The following ZCCHC7 variants were observed in gnomAD, a reference collection of about 807,000 sequenced individuals.
ZCCHC7 encodes zinc finger CCHC domain-containing protein 7.
A neutral mutation model predicts 52.0 loss-of-function variants in ZCCHC7; 35 were observed. The observed-to-expected ratio is 0.67, with a 90% CI of 0.51 to 0.89. ZCCHC7 has a LOEUF of 0.89. ZCCHC7 is among the 40% of genes least tolerant of loss of function. ZCCHC7 has a pLI of 0.00. For synonymous variants in ZCCHC7, 217 were observed against 221.5 expected (o/e 0.98, Z 0.18); for missense variants, 574 against 649.1 (o/e 0.88, Z 1.26).
chr9:37,233,842 G>A (rs899276410), intron 2 of ZCCHC7, among the ~76,000 whole-genome samples: 2 of 152,010 alleles, frequency 1.3e-5, no homozygotes, highest in African/African-American at 4.8e-5. Context: ...ATTAGAGGGT[G>A]TTTTTTGGTG....
At chr9:37,254,297 T>A (rs1826468784) in intron 2 of ZCCHC7, among the ~76,000 whole-genome samples, 1 of 152,056 alleles carries the variant, frequency 6.6e-6, no homozygotes, top group Admixed American at 6.6e-5. Context: ...ATAATACTTT[T>A]GAAAGTTGGC....
chr9:37,356,659 C>T (rs571029457), intron 8 of ZCCHC7, among the ~76,000 whole-genome samples, 176 bp from the exon 9 acceptor site: 2 of 152,150 alleles, frequency 1.3e-5, no homozygotes, highest in Non-Finnish European at 2.9e-5. Flanking sequence ...GAATGTGTTT[C>T]ATTTTTAGCA....
At chr9:37,234,394 G>T (rs1322969678) in intron 2 of ZCCHC7, among the ~76,000 whole-genome samples, 2 of 152,226 alleles carry the variant, frequency 1.3e-5, no homozygotes, top group African/African-American at 4.8e-5. Context: ...CTCAGACAGA[G>T]ATAGTATCTT....
chr9:37,168,579 C>G (rs555965586), intron 2 of ZCCHC7, among the ~76,000 whole-genome samples: 1 of 152,274 alleles, frequency 6.6e-6, no homozygotes, highest in South Asian at 2.1e-4. Flanking sequence ...TCCTCCATAA[C>G]GCCTACTAAA....
At chr9:37,263,779 A>G (rs936789818) in intron 2 of ZCCHC7, among the ~76,000 whole-genome samples, 32 of 152,206 alleles carry the variant, frequency 2.1e-4, no homozygotes, top group African/African-American at 7.7e-4. Flanking sequence ...TTTCAAGTTA[A>G]GACAGAAAAC....
At chr9:37,199,967 A>T (rs531532994) in intron 2 of ZCCHC7, among the ~76,000 whole-genome samples, 1 of 152,020 alleles carries the variant, frequency 6.6e-6, no homozygotes, top group Non-Finnish European at 1.5e-5. Context: ...CGGCCTCCCA[A>T]AGTGCTGGGA....
intron 2 of ZCCHC7, among the ~76,000 whole-genome samples, chr9:37,156,984 C>T (rs1271921389): frequency 1.3e-5 from 2 of 151,856 alleles, no homozygotes; most frequent in East Asian, 1.9e-4. Context: ...CCTGTTGATC[C>T]TATAAGGTCA....
Position 37,166,351 on chromosome 9 carries a change from C to G in ZCCHC7, c.610+39409C>G, listed in dbSNP as rs189375216. Among the ~76,000 whole-genome samples the G allele has an allele frequency of 5.7e-4, 87 of 152,104 alleles. 3 individuals are homozygous for G. Among genetic ancestry groups the G allele is most frequent in the Admixed American group, 4.3e-3 (66 of 15,278 alleles). On this transcript the variant is annotated intron_variant, in intron 2 of 8. Transcript: ENST00000336755. ...GCAGAGGTTTGCAGTGAGCCGAGAT[C>G]GCGCCACTGCACTCCAGCCTGGGTG...
intron 2 of ZCCHC7, among the ~76,000 whole-genome samples, chr9:37,213,448 C>G (rs1824343032): frequency 6.6e-6 from 1 of 152,074 alleles, no homozygotes; most frequent in African/African-American, 2.4e-5. Flanking sequence ...GCAGATCATT[C>G]AAGGCAGCAA....
At chr9:37,299,657 G>C (rs117658226) in intron 2 of ZCCHC7, among the ~76,000 whole-genome samples, 310 of 152,268 alleles carry the variant, frequency 2.0e-3, no homozygotes, top group Non-Finnish European at 3.1e-3. Flanking sequence ...TCATTACTAG[G>C]TTCAAATCAA....
At chr9:37,246,746 T>C (rs774929836) in intron 2 of ZCCHC7, among the ~76,000 whole-genome samples, 3 of 152,160 alleles carry the variant, frequency 2.0e-5, no homozygotes, top group East Asian at 1.9e-4. Flanking sequence ...GTGGAAAATA[T>C]ATTTGCAAGT....
At chr9:37,261,946 C>T (rs376830443) in intron 2 of ZCCHC7, among the ~76,000 whole-genome samples, 1 of 151,936 alleles carries the variant, frequency 6.6e-6, no homozygotes, top group Non-Finnish European at 1.5e-5. Flanking sequence ...ATTCTGGGTG[C>T]TTAAATTGTT....
At chr9:37,235,255 C>G (rs1254621108) in intron 2 of ZCCHC7, among the ~76,000 whole-genome samples, 1 of 152,278 alleles carries the variant, frequency 6.6e-6, no homozygotes, top group East Asian at 1.9e-4. Flanking sequence ...TAACCTCTCT[C>G]CATCCAGTCT....
At chr9:37,281,748 A>G (rs1203992736) in intron 2 of ZCCHC7, among the ~76,000 whole-genome samples, 2 of 152,222 alleles carry the variant, frequency 1.3e-5, no homozygotes, top group African/African-American at 2.4e-5. Context: ...CATTAACTTC[A>G]GCATATACAC....
At chr9:37,300,734 A>C (rs1366460011) in intron 2 of ZCCHC7, among the ~76,000 whole-genome samples, 1 of 152,228 alleles carries the variant, frequency 6.6e-6, no homozygotes, top group Non-Finnish European at 1.5e-5. Flanking sequence ...AGGAGGACAG[A>C]GGAAATCTTA....
intron 2 of ZCCHC7, among the ~76,000 whole-genome samples, chr9:37,167,415 T>C (rs1191951101): frequency 6.6e-6 from 1 of 152,172 alleles, no homozygotes; most frequent in East Asian, 1.9e-4. Flanking sequence ...TAAAGTTTTA[T>C]TTTGGTCTTT....
intron 8 of ZCCHC7, among the ~76,000 whole-genome samples, chr9:37,356,311 G>A (rs1564276700): frequency 6.6e-6 from 1 of 152,136 alleles, no homozygotes; most frequent in Admixed American, 6.5e-5. Flanking sequence ...TAAGATACCC[G>A]CACTCACGTG....
chr9:37,239,767 G>A (rs1325294117), intron 2 of ZCCHC7, among the ~76,000 whole-genome samples: 2 of 152,012 alleles, frequency 1.3e-5, no homozygotes, highest in Non-Finnish European at 2.9e-5. Context: ...TAAACCTGAT[G>A]TCCATTATGC....
chr9:37,126,605 C>T lies in ZCCHC7; in HGVS notation c.273C>T (p.Val91=). 6.2e-7 allele frequency: 1 copy of T among 1,614,114 alleles called. No homozygotes were observed. Among genetic ancestry groups the T allele is most frequent in the Non-Finnish European group, 8.5e-7 (1 of 1,180,032 alleles). The change falls in exon 2 of 9, where the codon GTC becomes GTT. Residue 91 remains valine (V), a synonymous_variant. Transcript: ENST00000336755. ...EVIQLSDGSE[V]ITLSDEDSIY... The stretch of plus-strand genomic sequence containing the variant: ...TCCAGCTGTCAGATGGGTCAGAGGT[C>T]ATCACTTTGTCTGATGAAGACAGTA...
Sources: gnomAD v4.1 joint callset for allele counts (sites outside exome capture counted in the v4.1 genomes callset) on GRCh38, gnomAD v4.1.1 for gene constraint, MANE v1.5 for transcripts, NCBI Gene and HGNC (gene_info 2026-07-23, HGNC 2026-07-21) for gene names.